The following LRMDA variants were observed in gnomAD, a reference collection of about 807,000 sequenced individuals.
The protein encoded by LRMDA is leucine-rich melanocyte differentiation-associated protein.
A neutral mutation model predicts 29.8 loss-of-function variants in LRMDA; 18 were observed. That is an observed-to-expected ratio of 0.60 (90% CI 0.42 to 0.90). The LOEUF is 0.90. LRMDA is among the 40% of genes least tolerant of loss of function. The probability of loss-of-function intolerance (pLI) is 0.00; values close to 1 mark genes in which losing one functional copy is unlikely to be tolerated. For missense variants in LRMDA, 273 were observed against 273.9 expected, an observed-to-expected ratio of 1.00 and a Z score of 0.02; for synonymous variants, 125 against 109.4, an observed-to-expected ratio of 1.14 and a Z score of -0.89.
rs1235934667 is a variant in LRMDA at position 75,431,695 on chromosome 10, G to C, written c.-30G>C. The C allele has an allele frequency of 2.3e-6, 3 of 1,295,376 alleles. No homozygotes were observed. Among genetic ancestry groups the C allele is most frequent in the Non-Finnish European group, 2.9e-6 (3 of 1,026,578 alleles). 80.2% of individuals were successfully genotyped at this position (1,295,376 alleles called of 1,614,324 possible). On this transcript the variant is annotated 5_prime_UTR_variant, in exon 1 of 7. Transcript: ENST00000611255. ...TGCTGCCGCCGCGCCCCCGCGCTCC[G>C]TCCCGCGCGCCCGCAGCGTCCTGGC...
chr10:76,238,123 G>A (rs1283974185), intron 5 of LRMDA, among the ~76,000 whole-genome samples: 1 of 152,008 alleles, frequency 6.6e-6, no homozygotes, highest in Non-Finnish European at 1.5e-5. Flanking sequence ...TCTCCTCTAC[G>A]CGAGGTCTTT....
intron 5 of LRMDA, among the ~76,000 whole-genome samples, chr10:76,238,677 T>C (rs939326318): frequency 6.6e-6 from 1 of 152,068 alleles, no homozygotes; most frequent in African/African-American, 2.4e-5. Context: ...AACACACAGA[T>C]AATGTTCGAT....
Position 75,495,357 on chromosome 10 carries a change from G to T in LRMDA, c.131+56863G>T, listed in dbSNP as rs530907193. On this transcript the variant is annotated intron_variant, in intron 2 of 6. Transcript: ENST00000611255. ...GGTTTTTTTTTTCTTCCCCTTTCAA[G>T]GTTTCCCTTGATGTTTGTTTTAACC... 2.5e-3 allele frequency among the ~76,000 whole-genome samples: 383 copies of T among 151,026 alleles called. 1 individual carries two copies. Among genetic ancestry groups the T allele is most frequent in the South Asian group, 8.2e-3 (39 of 4,784 alleles).
At chr10:76,203,650 C>T (rs191674970) in intron 5 of LRMDA, among the ~76,000 whole-genome samples, 2 of 152,166 alleles carry the variant, frequency 1.3e-5, no homozygotes, top group Admixed American at 6.5e-5. Context: ...ACCCATCTCT[C>T]CATGTGCCCG....
At chr10:76,485,217 CCT>C (rs966586335) in intron 6 of LRMDA, among the ~76,000 whole-genome samples, 1 of 151,712 alleles carries the variant, frequency 6.6e-6, no homozygotes, top group African/African-American at 2.4e-5. Context: ...TTCTTTTCCC[CCT>C]CTTTTTCTGC....
intron 2 of LRMDA, among the ~76,000 whole-genome samples, chr10:75,799,680 TTGTGTGTGTGTGTG>T (rs57575125): frequency 0.015 from 2,023 of 136,214 alleles, 49 homozygotes; most frequent in African/African-American, 0.053. Context: ...ATTCCTAGCT[TTGTGTGTGTGTGTG>T]TGTGTGTGTG....
chr10:76,385,224 C>T (rs1045052535), intron 6 of LRMDA, among the ~76,000 whole-genome samples: 1 of 152,094 alleles, frequency 6.6e-6, no homozygotes, highest in East Asian at 1.9e-4. Context: ...AGCTTAAATT[C>T]CTAGATTTAT....
intron 2 of LRMDA, among the ~76,000 whole-genome samples, chr10:75,609,918 G>A (rs550125519): frequency 1.5e-3 from 229 of 152,264 alleles, no homozygotes; most frequent in Middle Eastern, 3.4e-3. Flanking sequence ...CCAGTCTCCA[G>A]GACTTGGCCC....
chr10:75,957,964 GT>G (rs1284454245), intron 2 of LRMDA, among the ~76,000 whole-genome samples: 1 of 152,186 alleles, frequency 6.6e-6, no homozygotes, highest in Non-Finnish European at 1.5e-5. Flanking sequence ...TTCCATTAGA[GT>G]AAAGAACCCG....
chr10:75,649,296 T>TA (rs748198447), intron 2 of LRMDA, among the ~76,000 whole-genome samples: 1 of 152,238 alleles, frequency 6.6e-6, no homozygotes, highest in Non-Finnish European at 1.5e-5. Flanking sequence ...TCTTCATTTT[T>TA]AAGGCTGAAT....
chr10:75,748,640 C>T (rs369365914), intron 2 of LRMDA, among the ~76,000 whole-genome samples: 7 of 152,222 alleles, frequency 4.6e-5, no homozygotes, highest in African/African-American at 1.7e-4. Flanking sequence ...GTGTTTGCTC[C>T]GTTATGATTA....
chr10:75,432,866 A>G (rs756370313), intron 1 of LRMDA, among the ~76,000 whole-genome samples: 2 of 152,252 alleles, frequency 1.3e-5, no homozygotes, highest in African/African-American at 2.4e-5. Flanking sequence ...TTGAGTGCCT[A>G]CTGTATGCCA....
At chr10:75,699,976 G>A (rs1219633819) in intron 2 of LRMDA, among the ~76,000 whole-genome samples, 1 of 152,164 alleles carries the variant, frequency 6.6e-6, no homozygotes, top group Non-Finnish European at 1.5e-5. Context: ...GCAACCACTA[G>A]ATGCTGGAAG....
At chr10:75,810,570 T>C (rs111644124) in intron 2 of LRMDA, among the ~76,000 whole-genome samples, 1 of 152,234 alleles carries the variant, frequency 6.6e-6, no homozygotes, top group Non-Finnish European at 1.5e-5. Flanking sequence ...CCACTTTTGA[T>C]CTGCAGAAAT....
intron 5 of LRMDA, among the ~76,000 whole-genome samples, chr10:76,228,995 T>C (rs1037383333): frequency 7.2e-5 from 11 of 152,260 alleles, no homozygotes; most frequent in Non-Finnish European, 1.5e-4. Context: ...CTTACTGTTA[T>C]AATTTTTCTC....
intron 2 of LRMDA, among the ~76,000 whole-genome samples, chr10:75,723,634 G>C (rs1489936926): frequency 6.6e-6 from 1 of 152,166 alleles, no homozygotes; most frequent in Admixed American, 6.5e-5. Context: ...AGGCCGGAAA[G>C]ACAGTGGCTC....
At chr10:75,887,542 AC>A (rs1589241577) in intron 2 of LRMDA, among the ~76,000 whole-genome samples, 1 of 148,798 alleles carries the variant, frequency 6.7e-6, no homozygotes, top group East Asian at 1.9e-4. Flanking sequence ...TCCTGTTGCT[AC>A]CTTTTTTTTT....
chr10:76,398,614 A>T (rs1246907953), intron 6 of LRMDA, among the ~76,000 whole-genome samples: 1 of 152,220 alleles, frequency 6.6e-6, no homozygotes. Flanking sequence ...TGGGAACAGA[A>T]CCTCTGTGCT....
intron 5 of LRMDA, among the ~76,000 whole-genome samples, chr10:76,119,243 A>C (rs1397736712): frequency 6.6e-6 from 1 of 152,004 alleles, no homozygotes; most frequent in Non-Finnish European, 1.5e-5. Flanking sequence ...GTGAATAAAG[A>C]CATCAAGCTA....
Sources: allele counts gnomAD v4.1 joint callset (sites outside exome capture counted in the v4.1 genomes callset), GRCh38; gene constraint gnomAD v4.1.1; transcripts MANE v1.5; gene names NCBI Gene and HGNC (gene_info 2026-07-23, HGNC 2026-07-21).